The following CMTR1 variants were observed in gnomAD, a reference collection of about 807,000 sequenced individuals.
CMTR1 encodes cap methyltransferase 1, also known as cap-specific mRNA (nucleoside-2'-O-)-methyltransferase 1.
Under a neutral mutation model 107.0 loss-of-function variants are expected in CMTR1, and 39 were observed. That is an observed-to-expected ratio of 0.36 (90% confidence interval 0.28 to 0.48). The LOEUF is 0.48. CMTR1 is among the 20% of genes least tolerant of loss of function. CMTR1 has a pLI of 0.99. For synonymous variants in CMTR1, 366 were observed against 379.5 expected, an observed-to-expected ratio of 0.96 and a Z score of 0.41; for missense variants, 672 against 1,064.9, an observed-to-expected ratio of 0.63 and a Z score of 5.14.
intron 22 of CMTR1, 52 bp downstream of exon 22, chr6:37,478,573 GCCAGGTGATGGGT>G: frequency 1.4e-6 from 2 of 1,444,784 alleles, no homozygotes; most frequent in Non-Finnish European, 1.9e-6. Context: ...CCCTCTCCTC[GCCAGGTGATGGGT>G]CCAGACCCTA....
intron 8 of CMTR1, among the ~76,000 whole-genome samples, chr6:37,457,546 G>GA (rs1761321623): frequency 6.6e-6 from 1 of 152,196 alleles, no homozygotes; most frequent in Non-Finnish European, 1.5e-5. Flanking sequence ...AAATCTAAAT[G>GA]AAGTCTAGAG....
At position 37,434,002 on chromosome 6, in the gene CMTR1, A is replaced by G. The variant is rs113940239; in HGVS notation, c.-7+625A>G. On this transcript the variant is annotated intron_variant, in intron 1 of 23. Coordinates refer to ENST00000373451, the MANE Select transcript of CMTR1 (RefSeq NM_015050.3). ...TCCGCTTTGAGTTTGCTGTACTTCC[A>G]GTCTCCCCCCGAGTCACTTAAGAAT... Among the ~76,000 whole-genome samples, 738 of 152,204 alleles carry G rather than the reference A, an allele frequency of 4.8e-3. 13 individuals are homozygous for G. Among genetic ancestry groups the G allele is most frequent in the African/African-American group, 0.017 (707 of 41,480 alleles).
Position 37,481,131 on chromosome 6 carries a change from C to T in CMTR1, c.*986C>T. ...TTTCTTCCCTAATAGGAGGTACAAT[C>T]TGCTTTTGTTTGTCGTTAAGTGGTC... On this transcript the variant is annotated 3_prime_UTR_variant, in exon 24 of 24. Coordinates refer to ENST00000373451, the MANE Select transcript of CMTR1 (RefSeq NM_015050.3). 1.5e-6 allele frequency: 2 copies of T among 1,303,794 alleles called. No homozygotes were observed. Among genetic ancestry groups the T allele is most frequent in the South Asian group, 1.2e-5 (1 of 81,010 alleles). 80.8% of individuals were successfully genotyped at this position (1,303,794 alleles called of 1,614,324 possible). A position where few individuals can be genotyped will look rare whatever the true frequency, so the allele number is the denominator to read the frequency against.
chr6:37,459,763 G>A, intron 10 of CMTR1, 79 bp downstream of exon 10: 1 of 975,368 alleles, frequency 1.0e-6, no homozygotes, highest in Non-Finnish European at 1.7e-6. Context: ...GTTTTATCTG[G>A]TTCTTTAGCT....
intron 23 of CMTR1, 80 bp from the exon 24 acceptor site, chr6:37,479,933 C>T (rs760617498): frequency 2.9e-5 from 38 of 1,330,364 alleles, no homozygotes; most frequent in African/African-American, 7.7e-5. Context: ...CAGACCCCTC[C>T]GCCCCACACC....
chr6:37,459,379 G>A (rs1761358159), intron 9 of CMTR1, among the ~76,000 whole-genome samples, 187 bp from the exon 10 acceptor site: 1 of 152,218 alleles, frequency 6.6e-6, no homozygotes. Flanking sequence ...CAACTCCTTT[G>A]GGACTGTGTT....
In CMTR1 at chr6:37,451,861, G is replaced by A; in HGVS notation, c.593G>A (p.Ser198Asn). 1 of 1,612,746 alleles carries A rather than the reference G, an allele frequency of 6.2e-7. No individual in the cohort carries two copies. Among genetic ancestry groups the A allele is most frequent in the Non-Finnish European group, 8.5e-7 (1 of 1,179,282 alleles). ...TEFCGEELLH[S>N]VLQCKSVFDV... Reference sequence around the variant, plus strand: ...TTTTGTGGGGAAGAGCTGCTTCACAGTGTGTTGCAGTGTAAGGTAAGGTCT... The same window carrying A: ...TTTTGTGGGGAAGAGCTGCTTCACAATGTGTTGCAGTGTAAGGTAAGGTCT... Residue 198 changes from serine (S) to asparagine (N), a missense_variant, in exon 6 of 24, where the codon AGT becomes AAT. Physicochemically the swap from Ser to Asn is conservative, Grantham distance 46. Around this residue, in one of 2 missense-constraint regions of CMTR1, gnomAD observed 583 missense variants for 968.4 expected, o/e 0.60. Coordinates refer to ENST00000373451, the MANE Select transcript of CMTR1 (RefSeq NM_015050.3).
At chr6:37,433,504 A>T (rs538566618) in intron 1 of CMTR1, 127 bp downstream of exon 1, 38 of 152,560 alleles carry the variant, frequency 2.5e-4, no homozygotes, top group African/African-American at 9.2e-4. Context: ...CTGGCCCCTT[A>T]TGTCTTCCCT....
At chr6:37,473,072 G>C (rs555716985) in intron 16 of CMTR1, among the ~76,000 whole-genome samples, 1 of 152,246 alleles carries the variant, frequency 6.6e-6, no homozygotes, top group East Asian at 1.9e-4. Context: ...GCCCTCAAAA[G>C]AATAGTATGT....
At chr6:37,463,142 T>G in intron 13 of CMTR1, 134 bp downstream of exon 13, 1 of 884,062 alleles carries the variant, frequency 1.1e-6, no homozygotes, top group Non-Finnish European at 1.8e-6. Context: ...GGTCTGCTGG[T>G]TTCAGGGCTC....
At chr6:37,437,649 G>T (rs796122474) in intron 2 of CMTR1, among the ~76,000 whole-genome samples, 9 of 152,282 alleles carry the variant, frequency 5.9e-5, no homozygotes, top group African/African-American at 2.2e-4. Flanking sequence ...AGATTCCAGG[G>T]TAGGTAGGAA....
chr6:37,437,344 G>A (rs1771553155), intron 2 of CMTR1, among the ~76,000 whole-genome samples: 1 of 151,642 alleles, frequency 6.6e-6, no homozygotes. Flanking sequence ...GGCTAACACA[G>A]TGAAACCCCA....
rs141001638 is a variant in CMTR1, at chr6:37,480,362, C to G, written c.*217C>G. On this transcript the variant is annotated 3_prime_UTR_variant, in exon 24 of 24. Coordinates refer to ENST00000373451, the MANE Select transcript of CMTR1 (RefSeq NM_015050.3). ...TCCTTCTGGGACACCTGCCTGGGAACTTTCCCCTGCCAGGACTCAGCCTGA... is the reference window on the plus strand; with the variant it reads ...TCCTTCTGGGACACCTGCCTGGGAAGTTTCCCCTGCCAGGACTCAGCCTGA... 4.6e-4 allele frequency: 617 copies of G among 1,354,276 alleles called. 4 individuals are homozygous for G. In the African/African-American group the frequency reaches 8.2e-3, roughly 18 times the overall value. The allele number at this position is 1,354,276 out of a possible 1,614,324, so 83.9% of individuals were successfully genotyped here.
intron 10 of CMTR1, among the ~76,000 whole-genome samples, chr6:37,460,784 T>A (rs1257588381): frequency 6.6e-6 from 1 of 152,236 alleles, no homozygotes; most frequent in Admixed American, 6.5e-5. Flanking sequence ...TTCACACTGT[T>A]GTGCAACAGA....
At chr6:37,460,730 A>T (rs1761386618) in intron 10 of CMTR1, among the ~76,000 whole-genome samples, 1 of 152,070 alleles carries the variant, frequency 6.6e-6, no homozygotes, top group Admixed American at 6.5e-5. Context: ...CACAAATTTG[A>T]TCATCTTAAT....
At position 37,449,727 on chromosome 6, in the gene CMTR1, T is replaced by C. The variant is rs188090588; in HGVS notation, c.445-524T>C. Among the ~76,000 whole-genome samples the C allele has an allele frequency of 2.6e-5, 4 of 152,338 alleles. No homozygotes were observed. The East Asian group carries it at 7.7e-4, about 29-fold the overall frequency. On this transcript the variant is annotated intron_variant, in intron 4 of 23. Transcript: ENST00000373451. The stretch of plus-strand genomic sequence containing the variant: ...TAGAGATGTCAGTTTTTGTTCTCCC[T>C]TAGAATGAATGGGCTAGGAATCCTG...
At chr6:37,432,601 C>T (rs1771408070), upstream of CMTR1, among the ~76,000 whole-genome samples, 1 of 152,184 alleles carries the variant, frequency 6.6e-6, no homozygotes, top group Non-Finnish European at 1.5e-5. Flanking sequence ...GCTGGACCAA[C>T]AGGATGGATG....
intron 23 of CMTR1, 120 bp from the exon 24 acceptor site, chr6:37,479,893 C>T (rs984664201): frequency 2.3e-5 from 23 of 1,021,584 alleles, no homozygotes; most frequent in East Asian, 8.7e-5. Context: ...TTTTGCCTGC[C>T]GGGGGAAGAA....
upstream of CMTR1, among the ~76,000 whole-genome samples, chr6:37,431,012 CAA>C (rs34543353): frequency 0.025 from 1,266 of 50,166 alleles, 10 homozygotes; most frequent in African/African-American, 0.087. Flanking sequence ...GACTCCGTCT[CAA>C]AAAAAAAAAA....
Sources: gnomAD v4.1 joint callset for allele counts (sites outside exome capture counted in the v4.1 genomes callset) on GRCh38, gnomAD v4.1.1 for gene constraint, gnomAD v4.1.1 regional missense constraint, MANE v1.5 for transcripts, NCBI Gene and HGNC (gene_info 2026-07-23, HGNC 2026-07-21) for gene names.